Variants in VIM observed in about 807,000 individuals in gnomAD.
The protein encoded by VIM is vimentin, also known as epididymis secretory sperm binding protein.
In VIM, 18 loss-of-function variants were observed where a neutral mutation model predicts 50.3. The ratio of observed to expected loss-of-function variants is 0.36; its 90% CI spans 0.25 to 0.53. The LOEUF is 0.53. Among genes scored for constraint, VIM ranks in the 20% least tolerant of loss-of-function variants. VIM has a pLI of 0.91. For missense variants in VIM, 551 were observed against 614.7 expected, an observed-to-expected ratio of 0.90 and a Z score of 1.10; for synonymous variants, 245 against 248.5, an observed-to-expected ratio of 0.99 and a Z score of 0.13.
chr10:17,229,997 C>G lies in VIM; in HGVS notation c.563+12C>G, dbSNP rs1282429070. 6.2e-7 allele frequency: 1 copy of G among 1,605,134 alleles called. No homozygotes were observed. Among genetic ancestry groups the G allele is most frequent in the African/African-American group, 1.3e-5 (1 of 74,986 alleles). Reference sequence around the variant, plus strand: ...CGCCTCCGGGAGAAGTAAGGCTGCGCCCATGCAAGTAGCTGGGCCTCGGGA... The same window carrying G: ...CGCCTCCGGGAGAAGTAAGGCTGCGGCCATGCAAGTAGCTGGGCCTCGGGA... On this transcript the variant is annotated intron_variant, in intron 2 of 9. Transcript: ENST00000544301.
In VIM at chr10:17,234,823, G is replaced by A. The variant is rs1469188844; in HGVS notation, c.1008+5G>A. 6.2e-7 allele frequency: 1 copy of A among 1,614,094 alleles called. No homozygotes were observed. The highest frequency in any genetic ancestry group is 1.7e-5 in the Admixed American group (1 of 60,010). ...GTGGATGCCCTTAAAGGAACCGTGA[G>A]TACCAACCCTGCAGTAAAAGAGGGA... On this transcript the variant is annotated splice_donor_5th_base_variant and intron_variant, in intron 6 of 9. Transcript: ENST00000544301.
Position 17,230,721 on chromosome 10 carries a change from T to C in VIM, c.624+11T>C. On this transcript the variant is annotated intron_variant, in intron 3 of 9. Transcript: ENST00000544301. The stretch of plus-strand genomic sequence containing the variant: ...CAATCTTTCAGACAGGTTTGTAGAC[T>C]CTCTTCCCACTCGCAGCCGCCTGAC... 1.2e-6 allele frequency: 2 copies of C among 1,613,974 alleles called. No homozygotes were observed. Among genetic ancestry groups the C allele is most frequent in the Non-Finnish European group, 1.7e-6 (2 of 1,179,982 alleles).
In VIM at chr10:17,237,349, C is replaced by T. The variant is rs1461941920; in HGVS notation, c.*78C>T. 4.1e-6 allele frequency: 6 copies of T among 1,451,020 alleles called. No individual in the cohort carries two copies. Among genetic ancestry groups the T allele is most frequent in the Non-Finnish European group, 4.7e-6 (5 of 1,053,702 alleles). The allele number at this position is 1,451,020 out of a possible 1,614,324, so 89.9% of individuals were successfully genotyped here. A position where few individuals can be genotyped will look rare whatever the true frequency, so the allele number is the denominator to read the frequency against. On this transcript the variant is annotated 3_prime_UTR_variant, in exon 10 of 10. Transcript: ENST00000544301. The stretch of plus-strand genomic sequence containing the variant: ...ATCCATATCTTAAAGAAACAGCTTT[C>T]AAGTGCCTTTCTGCAGTTTTTCAGG...
intron 5 of VIM, 68 bp from the exon 6 acceptor site, chr10:17,234,625 T>G: frequency 6.2e-7 from 1 of 1,603,774 alleles, no homozygotes; most frequent in East Asian, 2.2e-5. Context: ...GAAATATGAT[T>G]TTTTTTTTCT....
At chr10:17,232,991 A>G (rs1001006043) in intron 3 of VIM, among the ~76,000 whole-genome samples, 2 of 152,246 alleles carry the variant, frequency 1.3e-5, no homozygotes, top group Non-Finnish European at 2.9e-5. Context: ...TCTGTTGCCC[A>G]GGCTGGAGTG....
In VIM at chr10:17,237,460, A is replaced by T. The variant is rs1014530164; in HGVS notation, c.*189A>T. The T allele has an allele frequency of 8.6e-6, 5 of 584,072 alleles. No homozygotes were observed. Among genetic ancestry groups the T allele is most frequent in the Non-Finnish European group, 1.5e-5 (5 of 333,138 alleles). 36.2% of individuals were successfully genotyped at this position (584,072 alleles called of 1,614,324 possible). ...AGATTTAGAAAAAAGTTTACAACATAATCTAGTTTACAGAAAAATCTTGTG... is the reference window on the plus strand; with the variant it reads ...AGATTTAGAAAAAAGTTTACAACATTATCTAGTTTACAGAAAAATCTTGTG... On this transcript the variant is annotated 3_prime_UTR_variant, in exon 10 of 10. Coordinates refer to ENST00000544301, the MANE Select transcript of VIM (RefSeq NM_003380.5).
intron 3 of VIM, chr10:17,230,926 G>T: frequency 3.9e-6 from 2 of 514,744 alleles, no homozygotes; most frequent in Non-Finnish European, 7.0e-6. Flanking sequence ...TTTTTGAGAC[G>T]GAGTCTTACT....
At chr10:17,234,121 C>CTTAT (rs2131682715) in intron 5 of VIM, 190 bp downstream of exon 5, 2 of 660,038 alleles carry the variant, frequency 3.0e-6, no homozygotes, top group South Asian at 4.1e-5. Flanking sequence ...TATTTATTTT[C>CTTAT]TTATTTATTT....
chr10:17,235,866 A>G lies in VIM; in HGVS notation c.1250A>G (p.Asn417Ser). The change falls in exon 8 of 10, where the codon AAC (asparagine) becomes AGC (serine). Residue 417 changes from asparagine (N) to serine (S), a missense_variant. This residue lies in a region of VIM where 394 missense variants were observed against 437.5 expected (regional missense o/e 0.90). Transcript: ENST00000544301. ...TATAGGATTTCTCTGCCTCTTCCAAACTTTTCCTCCCTGAACCTGAGGGGT... is the reference window on the plus strand; with the variant it reads ...TATAGGATTTCTCTGCCTCTTCCAAGCTTTTCCTCCCTGAACCTGAGGGGT... Reference protein sequence around the residue: ...EESRISLPLPNFSSLNLRETN... With the variant: ...EESRISLPLPSFSSLNLRETN... The G allele has an allele frequency of 1.2e-6, 2 of 1,614,006 alleles. No homozygotes were observed. The highest frequency in any genetic ancestry group is 1.7e-6 in the Non-Finnish European group (2 of 1,179,946).
At chr10:17,234,599 G>A in intron 5 of VIM, 94 bp from the exon 6 acceptor site, 1 of 1,574,312 alleles carries the variant, frequency 6.4e-7, no homozygotes, top group Non-Finnish European at 8.6e-7. Context: ...AACCTATACT[G>A]GAAGACATTC....
At position 17,229,599 on chromosome 10, in the gene VIM, C is replaced by CGTGT. The variant is rs1169271871; in HGVS notation, c.178_181dup (p.Tyr61CysfsTer53). The CGTGT allele has an allele frequency of 6.2e-7, 1 of 1,604,032 alleles. No homozygotes were observed. The highest frequency in any genetic ancestry group is 8.5e-7 in the Non-Finnish European group (1 of 1,176,184). On this transcript the variant is annotated frameshift_variant, in exon 2 of 10. Coordinates refer to ENST00000544301, the MANE Select transcript of VIM (RefSeq NM_003380.5). LOFTEE classifies it high-confidence loss of function. ...GCCTCTACGCCTCGTCCCCGGGCGG[C>CGTGT]GTGTATGCCACGCGCTCCTCTGCCG...
At chr10:17,230,126 G>T in intron 2 of VIM, 141 bp downstream of exon 2, 1 of 1,127,992 alleles carries the variant, frequency 8.9e-7, no homozygotes, top group Non-Finnish European at 1.2e-6. Context: ...AGCGGAGAGC[G>T]GGGCTGTGGC....
Position 17,229,752 on chromosome 10 carries a change from G to A in VIM, c.330G>A (p.Leu110=). The change falls in exon 2 of 10, where the codon CTG becomes CTA. Residue 110 remains leucine, a synonymous_variant. Coordinates refer to ENST00000544301, the MANE Select transcript of VIM (RefSeq NM_003380.5). ...ACGAGAAGGTGGAGCTGCAGGAGCT[G>A]AATGACCGCTTCGCCAACTACATCG... The part of the protein sequence containing the change: ...RTNEKVELQE[L]NDRFANYIDK... The A allele has an allele frequency of 6.3e-7, 1 of 1,587,636 alleles. No individual in the cohort carries two copies. Among genetic ancestry groups the A allele is most frequent in the Non-Finnish European group, 8.6e-7 (1 of 1,166,250 alleles).
intron 3 of VIM, among the ~76,000 whole-genome samples, chr10:17,231,811 G>A: frequency 6.7e-6 from 1 of 149,392 alleles, no homozygotes. Flanking sequence ...TGGACTTACA[G>A]AATTTTTAAC....
chr10:17,231,954 A>G (rs1181341921), intron 3 of VIM, among the ~76,000 whole-genome samples: 2 of 152,180 alleles, frequency 1.3e-5, no homozygotes, highest in Non-Finnish European at 2.9e-5. Context: ...ACTGAAATAC[A>G]TTTACCAAAT....
chr10:17,229,483 G>A lies in VIM; in HGVS notation c.61G>A (p.Ala21Thr). The A allele has an allele frequency of 6.2e-7, 1 of 1,606,472 alleles. No homozygotes were observed. Among genetic ancestry groups the A allele is most frequent in the African/African-American group, 1.3e-5 (1 of 74,914 alleles). ...CAGGATGTTCGGCGGCCCGGGCACCGCGAGCCGGCCGAGCTCCAGCCGGAG... is the reference window on the plus strand; with the variant it reads ...CAGGATGTTCGGCGGCCCGGGCACCACGAGCCGGCCGAGCTCCAGCCGGAG... The part of the protein sequence containing the change: ...YRRMFGGPGT[A>T]SRPSSSRSYV... Residue 21 changes from alanine (A) to threonine (T), a missense_variant, in exon 2 of 10, where the codon GCG (alanine) becomes ACG (threonine). Ala to Thr is a moderately conservative substitution (Grantham distance 58). Transcript: ENST00000544301.
At chr10:17,231,498 C>T (rs891635407) in intron 3 of VIM, among the ~76,000 whole-genome samples, 1 of 152,192 alleles carries the variant, frequency 6.6e-6, no homozygotes, top group African/African-American at 2.4e-5. Flanking sequence ...CCCAGGGAAG[C>T]TTTGCAACAG....
intron 8 of VIM, 166 bp from the exon 9 acceptor site, chr10:17,236,128 C>T (rs1157270742): frequency 5.4e-6 from 4 of 746,112 alleles, no homozygotes; most frequent in Middle Eastern, 3.5e-4. Context: ...TCAAGAGTGT[C>T]AGGGCCTGGG....
At chr10:17,228,991 C>A (rs1588730868) in intron 1 of VIM, 3 of 243,180 alleles carry the variant, frequency 1.2e-5, no homozygotes, top group South Asian at 9.8e-5. Context: ...CGGACCCCCC[C>A]CTCACCGCGC....
Sources: allele counts gnomAD v4.1 joint callset (sites outside exome capture counted in the v4.1 genomes callset), GRCh38; gene constraint gnomAD v4.1.1; regional missense constraint gnomAD v4.1.1; transcripts MANE v1.5; gene names NCBI Gene and HGNC (gene_info 2026-07-23, HGNC 2026-07-21).